The following AKAP19 variants were observed in gnomAD, a reference collection of about 807,000 sequenced individuals.
AKAP19 encodes small A-kinase anchoring protein.
the AKAP19 span, among the ~76,000 whole-genome samples, chr2:190,131,305 AG>A: frequency 6.6e-6 from 1 of 152,192 alleles, no homozygotes; most frequent in African/African-American, 2.4e-5. Flanking sequence ...CCCCATTCTC[AG>A]GAAAGGGAAG....
At chr2:190,017,720 A>G in the AKAP19 span, among the ~76,000 whole-genome samples, 4 of 152,222 alleles carry the variant, frequency 2.6e-5, no homozygotes, top group African/African-American at 7.2e-5. Flanking sequence ...AGTATTCAGA[A>G]TATGACTCTG....
At chr2:189,980,617 G>A in the AKAP19 span, among the ~76,000 whole-genome samples, 4 of 152,326 alleles carry the variant, frequency 2.6e-5, no homozygotes, top group Non-Finnish European at 2.9e-5. Context: ...TTACAGGCAT[G>A]AGCCACCATG....
At chr2:189,983,558 C>A in the AKAP19 span, among the ~76,000 whole-genome samples, 14 of 152,200 alleles carry the variant, frequency 9.2e-5, no homozygotes, top group Admixed American at 2.0e-4. Context: ...AGTAAATAAC[C>A]CCTTCCCCAC....
chr2:190,159,734 A>G, the AKAP19 span, among the ~76,000 whole-genome samples: 2 of 152,220 alleles, frequency 1.3e-5, no homozygotes, highest in Non-Finnish European at 2.9e-5. Flanking sequence ...AAAAAGGCTG[A>G]ATTCATTGAC....
At chr2:190,145,002 C>G in the AKAP19 span, among the ~76,000 whole-genome samples, 61 of 152,154 alleles carry the variant, frequency 4.0e-4, 1 homozygote, top group South Asian at 0.012. Flanking sequence ...CTGGAAAGGC[C>G]AGGCATGGTG....
At chr2:190,057,872 T>C in the AKAP19 span, among the ~76,000 whole-genome samples, 1 of 152,052 alleles carries the variant, frequency 6.6e-6, no homozygotes, top group Non-Finnish European at 1.5e-5. Context: ...CCATGTCTTT[T>C]TAAGTTTTAT....
chr2:190,055,444 C>T, the AKAP19 span, among the ~76,000 whole-genome samples: 6 of 151,662 alleles, frequency 4.0e-5, no homozygotes, highest in Non-Finnish European at 5.9e-5. Context: ...CAAACCTGCA[C>T]GTTGTGCACA....
the AKAP19 span, among the ~76,000 whole-genome samples, chr2:190,003,130 A>G: frequency 6.6e-6 from 1 of 152,110 alleles, no homozygotes; most frequent in African/African-American, 2.4e-5. Context: ...ATAGAACACT[A>G]TTGACTTGTG....
the AKAP19 span, among the ~76,000 whole-genome samples, chr2:190,048,056 C>T: frequency 6.6e-6 from 1 of 152,174 alleles, no homozygotes; most frequent in Non-Finnish European, 1.5e-5. Context: ...CTAGTTATTT[C>T]TGACCAGACA....
At chr2:189,917,127 G>C in the AKAP19 span, 1 of 402,028 alleles carries the variant, frequency 2.5e-6, no homozygotes, top group Non-Finnish European at 4.6e-6. Flanking sequence ...CATATTAATT[G>C]AAGGTCACAG....
the AKAP19 span, among the ~76,000 whole-genome samples, chr2:189,897,235 A>T: frequency 6.6e-6 from 1 of 152,144 alleles, no homozygotes; most frequent in Non-Finnish European, 1.5e-5. Context: ...TTACAATTAA[A>T]AAGCAAATCA....
At chr2:189,953,649 A>AAAAAAAAAAAC in the AKAP19 span, among the ~76,000 whole-genome samples, 47 of 144,252 alleles carry the variant, frequency 3.3e-4, no homozygotes, top group South Asian at 2.2e-4. Context: ...AAAAAAAAAA[A>AAAAAAAAAAAC]AAAAAAAAAA....
chr2:190,191,317 G>A, the AKAP19 span, among the ~76,000 whole-genome samples: 1 of 151,976 alleles, frequency 6.6e-6, no homozygotes. Context: ...TAACTTTCTT[G>A]TATTTTCAGT....
the AKAP19 span, among the ~76,000 whole-genome samples, chr2:190,113,288 G>A: frequency 2.6e-5 from 4 of 152,076 alleles, no homozygotes; most frequent in South Asian, 2.1e-4. Context: ...AACTGAGACA[G>A]GGTCAATCTA....
At chr2:190,004,477 C>A in the AKAP19 span, among the ~76,000 whole-genome samples, 1 of 82,958 alleles carries the variant, frequency 1.2e-5, no homozygotes, top group Non-Finnish European at 3.5e-5. Flanking sequence ...TACCTTATCA[C>A]CTATTATTAT....
chr2:190,161,018 G>T, the AKAP19 span, among the ~76,000 whole-genome samples: 1 of 152,110 alleles, frequency 6.6e-6, no homozygotes, highest in Non-Finnish European at 1.5e-5. Flanking sequence ...TAAGCAAATT[G>T]TCTCTAAGAG....
At chr2:190,128,598 T>A in the AKAP19 span, among the ~76,000 whole-genome samples, 2 of 152,210 alleles carry the variant, frequency 1.3e-5, no homozygotes, top group Non-Finnish European at 2.9e-5. Flanking sequence ...AAATAATACA[T>A]GTTTATGATG....
the AKAP19 span, among the ~76,000 whole-genome samples, chr2:190,072,985 T>C: frequency 6.6e-6 from 1 of 152,088 alleles, no homozygotes; most frequent in South Asian, 2.1e-4. Flanking sequence ...AAAACAAAAC[T>C]AAAAAGATAA....
At chr2:189,994,264 G>A in the AKAP19 span, among the ~76,000 whole-genome samples, 4 of 151,758 alleles carry the variant, frequency 2.6e-5, no homozygotes, top group African/African-American at 7.3e-5. Context: ...CACCTCCCTC[G>A]GCCTCCCAAA....
Sources: gnomAD v4.1 joint callset for allele counts (sites outside exome capture counted in the v4.1 genomes callset) on GRCh38, gnomAD v4.1.1 for gene constraint, MANE v1.5 for transcripts, NCBI Gene and HGNC (gene_info 2026-07-23, HGNC 2026-07-21) for gene names.